TM7SF2: variants seen among roughly 807,000 people sequenced by gnomAD.
TM7SF2 encodes transmembrane 7 superfamily member 2, also known as delta(14)-sterol reductase TM7SF2.
A neutral mutation model predicts 51.0 loss-of-function variants in TM7SF2; 51 were observed. The observed-to-expected ratio is 1.00, with a 90% CI of 0.80 to 1.26. The LOEUF is 1.26. Ranked by LOEUF, TM7SF2 falls within the 50% of genes most tolerant of loss-of-function variation. The pLI, the probability that TM7SF2 is intolerant of heterozygous loss-of-function variation, is 0.00. For missense variants in TM7SF2, 541 were observed against 547.4 expected (o/e 0.99, Z 0.12); for synonymous variants, 255 against 241.0 (o/e 1.06, Z -0.54).
In TM7SF2 at chr11:65,115,954, T is replaced by TGA; in HGVS notation, c.1160_1161dup (p.Ala388ArgfsTer81). On this transcript the variant is annotated frameshift_variant, in exon 10 of 10. Coordinates refer to ENST00000279263, the MANE Select transcript of TM7SF2 (RefSeq NM_003273.6). LOFTEE classifies it high-confidence loss of function. Reference sequence around the variant, plus strand: ...ACTTCACCGCGCTGCTGGTGCACCGTGAGGCCCGGGATGAGCGGCAGTGCC... The same window carrying TGA: ...ACTTCACCGCGCTGCTGGTGCACCGTGAGAGGCCCGGGATGAGCGGCAGTGCC... The TGA allele has an allele frequency of 6.2e-7, 1 of 1,613,962 alleles. No individual in the cohort carries two copies.
rs781766885 is a variant in TM7SF2, at chr11:65,112,575, G to T, written c.113G>T (p.Arg38Leu). 6.6e-7 allele frequency: 1 copy of T among 1,523,396 alleles called. No individual in the cohort carries two copies. The highest frequency in any genetic ancestry group is 8.7e-7 in the Non-Finnish European group (1 of 1,144,098). 94.4% of individuals were successfully genotyped at this position (1,523,396 alleles called of 1,614,324 possible). A position where few individuals can be genotyped will look rare whatever the true frequency, so the allele number is the denominator to read the frequency against. The change falls in exon 2 of 10, where the codon CGT becomes CTT. Residue 38 changes from arginine (R) to leucine (L), a missense_variant. Arg to Leu is a moderately radical substitution (Grantham distance 102). Transcript: ENST00000279263. ...ATGTTCCACCTGCTCCTGGCGGCCC[G>T]TTCGGGCCCCGCGCGCCTGCTGGGT... ...ATMFHLLLAA[R>L]SGPARLLGPP...
rs912078312 is a variant in TM7SF2, at chr11:65,116,023, G to A, written c.1227G>A (p.Val409=). ...GLAWQEYCRR[V]PYRIMPYIY Reference sequence around the variant, plus strand: ...CCTGGCAGGAGTACTGCCGGCGTGTGCCTTACCGCATCATGCCCTACATCT... The same window carrying A: ...CCTGGCAGGAGTACTGCCGGCGTGTACCTTACCGCATCATGCCCTACATCT... Residue 409 remains valine (V), a synonymous_variant, in exon 10 of 10, where the codon GTG becomes GTA. Coordinates refer to ENST00000279263, the MANE Select transcript of TM7SF2 (RefSeq NM_003273.6). 6.2e-7 allele frequency: 1 copy of A among 1,610,590 alleles called. No individual in the cohort carries two copies. Among genetic ancestry groups the A allele is most frequent in the Admixed American group, 1.7e-5 (1 of 60,016 alleles).
At chr11:65,113,684 C>A in intron 5 of TM7SF2, 90 bp downstream of exon 5, 4 of 1,076,008 alleles carry the variant, frequency 3.7e-6, no homozygotes, top group Non-Finnish European at 5.7e-6. Flanking sequence ...CAAAACTGTG[C>A]AGATGCGAGT....
intron 9 of TM7SF2, 102 bp downstream of exon 9, chr11:65,115,700 G>C (rs1947971801): frequency 3.7e-6 from 6 of 1,601,978 alleles, no homozygotes; most frequent in Non-Finnish European, 5.1e-6. Context: ...AGAGTAGTCA[G>C]AGAGCTGGGG....
chr11:65,114,355 C>T (rs1255422221), intron 5 of TM7SF2, among the ~76,000 whole-genome samples: 1 of 152,184 alleles, frequency 6.6e-6, no homozygotes, highest in Admixed American at 6.5e-5. Flanking sequence ...TGGAGGGCTT[C>T]AAACACGATG....
chr11:65,114,221 T>C (rs1298228456), intron 5 of TM7SF2, among the ~76,000 whole-genome samples: 2 of 152,088 alleles, frequency 1.3e-5, no homozygotes, highest in African/African-American at 4.8e-5. Flanking sequence ...TCTCCTAAGA[T>C]TACTGGGAAG....
At chr11:65,112,976 C>G in intron 3 of TM7SF2, 111 bp downstream of exon 3, 1 of 1,350,078 alleles carries the variant, frequency 7.4e-7, no homozygotes, top group South Asian at 1.3e-5. Context: ...CTTTGTGTGC[C>G]TCTGTTACGC....
At position 65,111,926 on chromosome 11, in the gene TM7SF2, C is replaced by A; in HGVS notation, c.-90C>A. 7.1e-7 allele frequency: 1 copy of A among 1,407,850 alleles called. No homozygotes were observed. Among genetic ancestry groups the A allele is most frequent in the Non-Finnish European group, 9.8e-7 (1 of 1,018,144 alleles). 87.2% of individuals were successfully genotyped at this position (1,407,850 alleles called of 1,614,324 possible). A position where few individuals can be genotyped will look rare whatever the true frequency, so the allele number is the denominator to read the frequency against. On this transcript the variant is annotated 5_prime_UTR_variant, in exon 1 of 10. Transcript: ENST00000279263. ...GCGCCGCGGGGCCGGATCCTCCGCG[C>A]GGCCGAGTCCATCTCCTGGGAAATG... is the stretch of plus-strand genomic sequence containing the variant.
At chr11:65,115,851 G>A (rs1255133192) in intron 9 of TM7SF2, 42 bp from the exon 10 acceptor site, 4 of 1,613,758 alleles carry the variant, frequency 2.5e-6, no homozygotes, top group Admixed American at 3.3e-5. Context: ...ACTGCGGGGT[G>A]GAGGGGCCGG....
At chr11:65,115,728 C>T (rs758309629) in intron 9 of TM7SF2, 130 bp downstream of exon 9, 11 of 1,575,310 alleles carry the variant, frequency 7.0e-6, no homozygotes, top group Admixed American at 3.4e-5. Context: ...CAGTGTGTGG[C>T]TGGGGCACAC....
rs551444950 is a variant in TM7SF2, at chr11:65,115,506, G to A, written c.1004G>A (p.Arg335Gln). Residue 335 changes from arginine (R) to glutamine (Q), a missense_variant, in exon 9 of 10, where the codon CGG (arginine) becomes CAG (glutamine). Physicochemically the swap from Arg to Gln is conservative, Grantham distance 43. Coordinates refer to ENST00000279263, the MANE Select transcript of TM7SF2 (RefSeq NM_003273.6). ...GAGACCATCTCTACAGCCACAGGGC[G>A]GAAACTGCTGGTGTCTGGGTGGTGG... is the stretch of plus-strand genomic sequence containing the variant. ...GLETISTATG[R>Q]KLLVSGWWGM... 44 of 1,614,116 alleles carry A rather than the reference G, an allele frequency of 2.7e-5. No homozygotes were observed. The highest frequency in any genetic ancestry group is 1.8e-4 in the East Asian group (8 of 44,888).
chr11:65,115,481 G>A lies in TM7SF2; in HGVS notation c.979G>A (p.Glu327Lys), dbSNP rs371080784. ...NPSDPRVAGL[E>K]TISTATGRKL... ...ACCCTGCTGTCTTTCCCCAGGGCTTGAGACCATCTCTACAGCCACAGGGCG... is the reference window on the plus strand; with the variant it reads ...ACCCTGCTGTCTTTCCCCAGGGCTTAAGACCATCTCTACAGCCACAGGGCG... The change falls in exon 9 of 10, where the codon GAG (glutamate) becomes AAG (lysine). Residue 327 changes from glutamate to lysine, a missense_variant. Transcript: ENST00000279263. 3.7e-6 allele frequency: 6 copies of A among 1,614,070 alleles called. No individual in the cohort carries two copies. The highest frequency in any genetic ancestry group is 2.2e-5 in the East Asian group (1 of 44,904).
chr11:65,112,763 G>A, intron 2 of TM7SF2, 48 bp from the exon 3 acceptor site: 2 of 1,549,554 alleles, frequency 1.3e-6, no homozygotes, highest in Non-Finnish European at 1.7e-6. Flanking sequence ...TGGGCTCGGC[G>A]AGGGAAAGGA....
Position 65,113,219 on chromosome 11 carries a change from G to A in TM7SF2, c.305-1G>A, listed in dbSNP as rs867223696. The A allele has an allele frequency of 6.3e-7, 1 of 1,595,574 alleles. No homozygotes were observed. Among genetic ancestry groups the A allele is most frequent in the South Asian group, 1.1e-5 (1 of 90,378 alleles). ...AGGGCTCACTGTGCGCTGTGGTTCA[G>A]GCTTCCAGGCCCTGGTGCTGACAGC... On this transcript the variant is annotated splice_acceptor_variant, in intron 3 of 9. Transcript: ENST00000279263. LOFTEE classifies it high-confidence loss of function.
chr11:65,115,154 A>G (rs148065401), intron 7 of TM7SF2, 73 bp downstream of exon 7: 1 of 1,597,788 alleles, frequency 6.3e-7, no homozygotes, highest in South Asian at 1.1e-5. Context: ...GTTTACACGC[A>G]CCACCACATA....
Position 65,111,882 on chromosome 11 carries a change from C to A in TM7SF2, c.-134C>A. The A allele has an allele frequency of 3.7e-6, 4 of 1,093,034 alleles. No homozygotes were observed. The highest frequency in any genetic ancestry group is 2.6e-5 in the East Asian group (1 of 38,800). 67.7% of individuals were successfully genotyped at this position (1,093,034 alleles called of 1,614,324 possible). Reference sequence around the variant, plus strand: ...ACGAGAGCGGTCCTTGTCTGCGTTCCGTGTCCAGGCAGGTGCAGGCGCCGC... The same window carrying A: ...ACGAGAGCGGTCCTTGTCTGCGTTCAGTGTCCAGGCAGGTGCAGGCGCCGC... On this transcript the variant is annotated 5_prime_UTR_variant, in exon 1 of 10. Transcript: ENST00000279263.
At chr11:65,113,114 T>C (rs1330495908) in intron 3 of TM7SF2, 106 bp from the exon 4 acceptor site, 6 of 1,286,542 alleles carry the variant, frequency 4.7e-6, no homozygotes, top group Non-Finnish European at 5.2e-6. Context: ...AGCCTAATGC[T>C]TGGGGCAGGG....
In TM7SF2 at chr11:65,113,532, C is replaced by T. The variant is rs1947939423; in HGVS notation, c.541C>T (p.Pro181Ser). 1.2e-6 allele frequency: 2 copies of T among 1,614,092 alleles called. No individual in the cohort carries two copies. The highest frequency in any genetic ancestry group is 1.7e-6 in the Non-Finnish European group (2 of 1,180,036). The change falls in exon 5 of 10, where the codon CCT (proline) becomes TCT (serine). Residue 181 changes from proline (P) to serine (S), a missense_variant. By Grantham distance (74) the Pro-to-Ser change is moderately conservative (BLOSUM62 -1). Transcript: ENST00000279263. Reference sequence around the variant, plus strand: ...CTTTTTTCTGGGACGAGAGCTCAACCCTCGTATCTGTTTCTTCGACTTCAA... The same window carrying T: ...CTTTTTTCTGGGACGAGAGCTCAACTCTCGTATCTGTTTCTTCGACTTCAA... ...YDFFLGRELNPRICFFDFKYF... is the reference protein window; with the variant it reads ...YDFFLGRELNSRICFFDFKYF...
At position 65,115,575 on chromosome 11, in the gene TM7SF2, C is replaced by T. The variant is rs1487527822; in HGVS notation, c.1073C>T (p.Ala358Val). The change falls in exon 9 of 10, where the codon GCT becomes GTT. Residue 358 changes from alanine to valine, a missense_variant. Transcript: ENST00000279263. Reference protein sequence around the residue: ...HPNYLGDLIMALAWSLPCGVS... With the variant: ...HPNYLGDLIMVLAWSLPCGVS... ...AACTATCTTGGAGACCTCATCATGGCTCTGGCTTGGTCCTTGCCCTGCGGT... is the reference window on the plus strand; with the variant it reads ...AACTATCTTGGAGACCTCATCATGGTTCTGGCTTGGTCCTTGCCCTGCGGT... The T allele has an allele frequency of 1.1e-5, 18 of 1,613,966 alleles. No individual in the cohort carries two copies. Among genetic ancestry groups the T allele is most frequent in the South Asian group, 1.1e-5 (1 of 91,092 alleles).
Sources: allele counts gnomAD v4.1 joint callset (sites outside exome capture counted in the v4.1 genomes callset), GRCh38; gene constraint gnomAD v4.1.1; transcripts MANE v1.5; gene names NCBI Gene and HGNC (gene_info 2026-07-23, HGNC 2026-07-21).